The following TNPO3 variants were observed in gnomAD, a reference collection of about 807,000 sequenced individuals.
The protein encoded by TNPO3 is transportin-3.
A neutral mutation model predicts 122.8 loss-of-function variants in TNPO3; 65 were observed. That is an observed-to-expected ratio of 0.53 (90% CI 0.43 to 0.65). The LOEUF is 0.65. TNPO3 is among the 30% of genes least tolerant of loss of function. The pLI, the probability that TNPO3 is intolerant of heterozygous loss-of-function variation, is 0.00. For synonymous variants in TNPO3, 372 were observed against 411.2 expected, an observed-to-expected ratio of 0.90 and a Z score of 1.15; for missense variants, 850 against 1,136.7, an observed-to-expected ratio of 0.75 and a Z score of 3.63.
intron 20 of TNPO3, among the ~76,000 whole-genome samples, chr7:128,969,580 T>A (rs1441701604): frequency 6.6e-6 from 1 of 152,214 alleles, no homozygotes; most frequent in Non-Finnish European, 1.5e-5. Context: ...GTTATGGTCA[T>A]GTGGCCCAGT....
At chr7:128,959,058 G>A (rs1312986946) in intron 21 of TNPO3, among the ~76,000 whole-genome samples, 1 of 152,198 alleles carries the variant, frequency 6.6e-6, no homozygotes, top group Non-Finnish European at 1.5e-5. Context: ...TATTGGAATT[G>A]CCATTACCTC....
chr7:129,055,731 G>A (rs1252551722), upstream of TNPO3: 4 of 307,132 alleles, frequency 1.3e-5, no homozygotes, highest in East Asian at 3.1e-4. Context: ...TTTTGTGAAT[G>A]CCTTTCTGTC....
At chr7:129,017,201 T>C in intron 2 of TNPO3, 145 bp from the exon 3 acceptor site, 1 of 738,758 alleles carries the variant, frequency 1.4e-6, no homozygotes, top group Non-Finnish European at 2.2e-6. Context: ...CAACCTCCAA[T>C]TCTATACATC....
intron 21 of TNPO3, among the ~76,000 whole-genome samples, chr7:128,966,530 A>G (rs1179194674): frequency 6.6e-6 from 1 of 152,222 alleles, no homozygotes; most frequent in Admixed American, 6.5e-5. Context: ...TTACATTTTA[A>G]AGGAAAATAT....
At chr7:129,032,038 C>T (rs1046901976) in intron 1 of TNPO3, among the ~76,000 whole-genome samples, 6 of 151,578 alleles carry the variant, frequency 4.0e-5, no homozygotes, top group African/African-American at 1.5e-4. Flanking sequence ...GGGATTTATA[C>T]CTGGAATACA....
rs112630972 is a variant in TNPO3, at chr7:128,984,135, T to C, written c.1782+33A>G. The C allele has an allele frequency of 1.5e-5, 21 of 1,358,910 alleles. No homozygotes were observed. The African/African-American group carries it at 2.5e-4, about 16-fold the overall frequency. The allele number at this position is 1,358,910 out of a possible 1,614,324, so 84.2% of individuals were successfully genotyped here. Reference sequence around the variant, plus strand: ...TCATTTTTAACATGTAAACATCTTATATTTGTTTCACACCTTCCTTAATTG... The same window carrying C: ...TCATTTTTAACATGTAAACATCTTACATTTGTTTCACACCTTCCTTAATTG... On this transcript the variant is annotated intron_variant, in intron 13 of 22. Coordinates refer to ENST00000265388, the MANE Select transcript of TNPO3 (RefSeq NM_012470.4).
intron 12 of TNPO3, among the ~76,000 whole-genome samples, chr7:128,984,489 A>G (rs1248802050): frequency 6.6e-6 from 1 of 152,252 alleles, no homozygotes; most frequent in Non-Finnish European, 1.5e-5. Context: ...ACTGAAGTTA[A>G]TATTTGTCAA....
chr7:128,988,269 C>A (rs1363255801), intron 11 of TNPO3, among the ~76,000 whole-genome samples: 1 of 152,226 alleles, frequency 6.6e-6, no homozygotes, highest in Non-Finnish European at 1.5e-5. Flanking sequence ...AGCCACCATG[C>A]CTGGCCAATA....
Position 128,970,202 on chromosome 7 carries a change from A to G in TNPO3, c.2544T>C (p.Tyr848=), listed in dbSNP as rs1484665557. The G allele has an allele frequency of 3.7e-6, 6 of 1,614,138 alleles. No homozygotes were observed. The highest frequency in any genetic ancestry group is 5.1e-6 in the Non-Finnish European group (6 of 1,180,004). ...LHTCCFCLPP[Y]TLPDVAEVLW... ...GCACTTCAGCCACATCTGGTAGGGT[A>G]TAGGGGGGGAGGCAAAAGCAGCAGG... Residue 848 remains tyrosine, a synonymous_variant, in exon 20 of 23, where the codon TAT becomes TAC. Coordinates refer to ENST00000265388, the MANE Select transcript of TNPO3 (RefSeq NM_012470.4).
At chr7:129,012,358 T>A (rs1228109769) in intron 4 of TNPO3, among the ~76,000 whole-genome samples, 2 of 151,990 alleles carry the variant, frequency 1.3e-5, no homozygotes, top group Non-Finnish European at 2.9e-5. Flanking sequence ...AGAATTTTAA[T>A]TTTTTTTCAA....
At chr7:129,015,644 G>A (rs112279394) in intron 3 of TNPO3, among the ~76,000 whole-genome samples, 3 of 151,998 alleles carry the variant, frequency 2.0e-5, no homozygotes, top group African/African-American at 7.3e-5. Context: ...ACCAGCCTGG[G>A]CATCACAGGG....
chr7:128,991,904 C>G, intron 10 of TNPO3, 95 bp downstream of exon 10: 2 of 716,116 alleles, frequency 2.8e-6, no homozygotes, highest in Non-Finnish European at 4.4e-6. Flanking sequence ...TTCTGAAAGT[C>G]TCCAGGTATA....
chr7:128,982,666 C>T (rs1243740253), intron 13 of TNPO3, among the ~76,000 whole-genome samples: 1 of 151,724 alleles, frequency 6.6e-6, no homozygotes, highest in Admixed American at 6.6e-5. Flanking sequence ...TGTTATGTTA[C>T]ACAATATGTA....
intron 4 of TNPO3, among the ~76,000 whole-genome samples, chr7:129,013,674 T>C (rs1360626923): frequency 6.6e-6 from 1 of 152,216 alleles, no homozygotes; most frequent in Non-Finnish European, 1.5e-5. Context: ...ATCCCATGTT[T>C]ATTGCAGCAC....
At chr7:129,035,622 A>G (rs550871914) in intron 1 of TNPO3, among the ~76,000 whole-genome samples, 10 of 152,266 alleles carry the variant, frequency 6.6e-5, no homozygotes, top group South Asian at 2.1e-4. Flanking sequence ...TCGGGGGGAA[A>G]AAAAAAGCAA....
At chr7:128,993,766 G>T (rs1277689584) in intron 9 of TNPO3, 41 bp downstream of exon 9, 2 of 1,510,378 alleles carry the variant, frequency 1.3e-6, no homozygotes, top group Non-Finnish European at 1.8e-6. Context: ...ATACAATTAA[G>T]GTGACTAGTA....
chr7:129,012,285 G>C (rs4731538), intron 4 of TNPO3, among the ~76,000 whole-genome samples: 73,773 of 151,808 alleles, frequency 0.49, 18,123 homozygotes, highest in African/African-American at 0.5. Context: ...GGATTACAGG[G>C]GTGAGCCACT....
intron 5 of TNPO3, among the ~76,000 whole-genome samples, chr7:129,004,426 T>C (rs1486895169): frequency 1.3e-5 from 2 of 152,188 alleles, no homozygotes; most frequent in African/African-American, 4.8e-5. Context: ...CTAACTCCTA[T>C]CTACCAAGAC....
At chr7:128,983,427 C>T (rs1002354537) in intron 13 of TNPO3, among the ~76,000 whole-genome samples, 2 of 152,074 alleles carry the variant, frequency 1.3e-5, no homozygotes, top group African/African-American at 2.4e-5. Context: ...CAGACTCTAA[C>T]TCCGGACCTC....
Sources: allele counts gnomAD v4.1 joint callset (sites outside exome capture counted in the v4.1 genomes callset), GRCh38; gene constraint gnomAD v4.1.1; transcripts MANE v1.5; gene names NCBI Gene and HGNC (gene_info 2026-07-23, HGNC 2026-07-21).